The following FRMD3 variants were observed in gnomAD, a reference collection of about 807,000 sequenced individuals.
FRMD3 encodes the protein FERM domain containing 3, also known as FERM domain-containing protein 3.
FRMD3 carries 33 observed loss-of-function variants against 70.2 expected under a neutral mutation model. The observed-to-expected ratio is 0.47, with a 90% CI of 0.36 to 0.63. FRMD3 has a LOEUF of 0.63. Ranked by LOEUF, FRMD3 falls within the 20% of genes least tolerant of loss-of-function variation. The probability of loss-of-function intolerance (pLI) is 0.00; values close to 1 mark genes in which losing one functional copy is unlikely to be tolerated. For missense variants in FRMD3, 632 were observed against 711.4 expected (o/e 0.89, Z 1.27); for synonymous variants, 279 against 255.9 (o/e 1.09, Z -0.86).
the FRMD3 span, among the ~76,000 whole-genome samples, chr9:83,578,970 G>A: frequency 3.3e-5 from 5 of 151,962 alleles, no homozygotes; most frequent in Non-Finnish European, 5.9e-5. Context: ...ATTTAGTAAA[G>A]TTGCAGGATA....
intron 2 of FRMD3, among the ~76,000 whole-genome samples, chr9:83,376,992 C>A (rs1299938082): frequency 3.3e-5 from 5 of 152,052 alleles, no homozygotes; most frequent in Admixed American, 6.5e-5. Context: ...ACTATTTTTT[C>A]TGCAATTTAT....
the FRMD3 span, among the ~76,000 whole-genome samples, chr9:83,546,222 CG>C: frequency 6.6e-6 from 1 of 152,030 alleles, no homozygotes; most frequent in Non-Finnish European, 1.5e-5. Flanking sequence ...CCAGGCATGG[CG>C]GTAAGCCCCT....
At position 83,490,796 on chromosome 9, in the gene FRMD3, T is replaced by TCACACACACACA. The variant is rs1217910906; in HGVS notation, c.147+47288_147+47289insTGTGTGTGTGTG. On this transcript the variant is annotated intron_variant, in intron 1 of 13. Coordinates refer to ENST00000304195, the MANE Select transcript of FRMD3 (RefSeq NM_174938.6). ...CTCTCTCTCTCTCTCTCTCTCTCTCTCTCACACACACACACACACACACAC... is the reference window on the plus strand; with the variant it reads ...CTCTCTCTCTCTCTCTCTCTCTCTCTCACACACACACACTCACACACACACACACACACACAC... 4.5e-5 allele frequency among the ~76,000 whole-genome samples: 5 copies of TCACACACACACA among 112,052 alleles called. No individual in the cohort carries two copies. In the South Asian group the frequency reaches 1.2e-3, roughly 27 times the overall value. 73.5% of individuals were successfully genotyped at this position (112,052 alleles called of 152,430 possible).
At chr9:83,539,891 G>A (rs142332187), upstream of FRMD3, among the ~76,000 whole-genome samples, 121 of 152,306 alleles carry the variant, frequency 7.9e-4, 1 homozygote, top group Admixed American at 1.3e-3. Context: ...ATAGTATGGG[G>A]CATTCATGTA....
chr9:83,527,089 C>A (rs548375521), intron 1 of FRMD3, among the ~76,000 whole-genome samples: 144 of 152,208 alleles, frequency 9.5e-4, no homozygotes, highest in Non-Finnish European at 1.4e-3. Flanking sequence ...CCAGGCACTG[C>A]TGGCTTATAC....
intron 10 of FRMD3, among the ~76,000 whole-genome samples, chr9:83,300,106 C>T (rs1449389804): frequency 2.0e-5 from 3 of 152,262 alleles, no homozygotes; most frequent in Non-Finnish European, 4.4e-5. Flanking sequence ...TGAGCAAAGA[C>T]ATGCACGGAG....
rs567252700 is a variant in FRMD3, at chr9:83,314,265, G to A, written c.597-518C>T. Reference sequence around the variant, plus strand: ...AATCTCAACCACTAGTCCTAGCACTGTCCTGCGAGGTGGTAAACAAGGTCT... The same window carrying A: ...AATCTCAACCACTAGTCCTAGCACTATCCTGCGAGGTGGTAAACAAGGTCT... On this transcript the variant is annotated intron_variant, in intron 6 of 13. Coordinates refer to ENST00000304195, the MANE Select transcript of FRMD3 (RefSeq NM_174938.6). Among the ~76,000 whole-genome samples, 27 of 152,228 alleles carry A rather than the reference G, an allele frequency of 1.8e-4. No individual in the cohort carries two copies. The South Asian group carries it at 2.1e-3, about 12-fold the overall frequency.
chr9:83,513,374 G>A (rs1232557003), intron 1 of FRMD3, among the ~76,000 whole-genome samples: 3 of 152,176 alleles, frequency 2.0e-5, no homozygotes, highest in African/African-American at 7.2e-5. Flanking sequence ...GTCAGATGTA[G>A]GAAGATGATT....
Position 83,350,672 on chromosome 9 carries a change from G to GA in FRMD3, c.296-916dup, listed in dbSNP as rs952856613. 8.5e-5 allele frequency: 43 copies of GA among 504,712 alleles called. No homozygotes were observed. In the East Asian group the frequency reaches 9.2e-4, roughly 11 times the overall value. The allele number at this position is 504,712 out of a possible 1,614,324, so 31.3% of individuals were successfully genotyped here. A position where few individuals can be genotyped will look rare whatever the true frequency, so the allele number is the denominator to read the frequency against. On this transcript the variant is annotated intron_variant, in intron 3 of 13. Transcript: ENST00000304195. Reference sequence around the variant, plus strand: ...GAAAAAGAAAAAGAAAGAAGAAAAAGAAAAAAAAGAAAAGAAAACAATTTT... The same window carrying GA: ...GAAAAAGAAAAAGAAAGAAGAAAAAGAAAAAAAAAGAAAAGAAAACAATTTT...
intron 1 of FRMD3, among the ~76,000 whole-genome samples, chr9:83,425,907 CA>C (rs71498055): frequency 0.21 from 18,023 of 86,178 alleles, 916 homozygotes; most frequent in South Asian, 0.36. Context: ...AACTCCGTCT[CA>C]AAAAAAAAAA....
chr9:83,431,779 G>A (rs1377243414), intron 1 of FRMD3, among the ~76,000 whole-genome samples: 2 of 152,062 alleles, frequency 1.3e-5, no homozygotes, highest in African/African-American at 2.4e-5. Flanking sequence ...TGCACTTGGT[G>A]TTATTTTTCC....
At chr9:83,429,509 G>A (rs1238415466) in intron 1 of FRMD3, among the ~76,000 whole-genome samples, 4 of 152,060 alleles carry the variant, frequency 2.6e-5, no homozygotes, top group African/African-American at 9.7e-5. Context: ...TATGCACTAA[G>A]CTCTCTCTCC....
chr9:83,476,748 A>C (rs1828408265), intron 1 of FRMD3, among the ~76,000 whole-genome samples: 1 of 152,220 alleles, frequency 6.6e-6, no homozygotes, highest in Non-Finnish European at 1.5e-5. Flanking sequence ...AGAACATAAC[A>C]TGGGTCTCCT....
intron 1 of FRMD3, among the ~76,000 whole-genome samples, chr9:83,433,714 G>A (rs1827048512): frequency 6.6e-6 from 1 of 151,674 alleles, no homozygotes; most frequent in South Asian, 2.1e-4. Flanking sequence ...TCAGGCATTA[G>A]ATTCTCATAG....
At chr9:83,571,760 G>T in the FRMD3 span, among the ~76,000 whole-genome samples, 1 of 152,146 alleles carries the variant, frequency 6.6e-6, no homozygotes, top group Non-Finnish European at 1.5e-5. Context: ...TGAGAAACCT[G>T]GTCCCACCAA....
chr9:83,291,107 A>C (rs1280361096), intron 12 of FRMD3, among the ~76,000 whole-genome samples: 1 of 152,208 alleles, frequency 6.6e-6, no homozygotes, highest in African/African-American at 2.4e-5. Flanking sequence ...GGCTCAGAGA[A>C]ATTTAACAAC....
At chr9:83,508,313 A>ATGC (rs1326977724) in intron 1 of FRMD3, among the ~76,000 whole-genome samples, 1 of 152,230 alleles carries the variant, frequency 6.6e-6, no homozygotes, top group Non-Finnish European at 1.5e-5. Context: ...GGTGTTAGGC[A>ATGC]TGCTGTGTTT....
rs1191996109 is a variant in FRMD3, at chr9:83,247,383, TC to T, written c.*534del. The T allele has an allele frequency of 9.8e-5, 85 of 864,190 alleles. No individual in the cohort carries two copies. Among genetic ancestry groups the T allele is most frequent in the Middle Eastern group, 5.8e-4 (1 of 1,718 alleles). The allele number at this position is 864,190 out of a possible 1,614,324, so 53.5% of individuals were successfully genotyped here. ...TACATGTAAATAACTCCAGGAGGCTTCTTTTTTTTTTTTGCTAAAAATTTAC... is the reference window on the plus strand; with the variant it reads ...TACATGTAAATAACTCCAGGAGGCTTTTTTTTTTTTTTGCTAAAAATTTAC... On this transcript the variant is annotated 3_prime_UTR_variant, in exon 14 of 14. Transcript: ENST00000304195.
intron 1 of FRMD3, among the ~76,000 whole-genome samples, chr9:83,414,486 G>T (rs1021330628): frequency 6.6e-6 from 1 of 152,064 alleles, no homozygotes; most frequent in Admixed American, 6.5e-5. Context: ...ATGATAAAAT[G>T]GACTTAATTA....
Sources: gnomAD v4.1 joint callset for allele counts (sites outside exome capture counted in the v4.1 genomes callset) on GRCh38, gnomAD v4.1.1 for gene constraint, MANE v1.5 for transcripts, NCBI Gene and HGNC (gene_info 2026-07-23, HGNC 2026-07-21) for gene names.